The following LGSN variants were observed in gnomAD, a reference collection of about 807,000 sequenced individuals.
The protein encoded by LGSN is lengsin.
LGSN carries 21 observed loss-of-function variants against 19.5 expected under a neutral mutation model. The ratio of observed to expected loss-of-function variants is 1.07; its 90% CI spans 0.76 to 1.55. The LOEUF (loss-of-function observed/expected upper bound fraction) is 1.55. Ranked by LOEUF, LGSN falls within the 40% of genes most tolerant of loss-of-function variation. The probability of loss-of-function intolerance (pLI) is 0.00; values close to 1 mark genes in which losing one functional copy is unlikely to be tolerated. For synonymous variants in LGSN, 257 were observed against 215.6 expected, an observed-to-expected ratio of 1.19 and a Z score of -1.68; for missense variants, 673 against 608.5, an observed-to-expected ratio of 1.11 and a Z score of -1.12.
the LGSN span, among the ~76,000 whole-genome samples, chr6:63,400,265 A>G: frequency 2.6e-5 from 4 of 152,202 alleles, no homozygotes; most frequent in African/African-American, 9.7e-5. Flanking sequence ...TGGCAGGGGC[A>G]GGAGTCCTGG....
At chr6:63,405,846 TG>T in the LGSN span, among the ~76,000 whole-genome samples, 3 of 151,374 alleles carry the variant, frequency 2.0e-5, no homozygotes, top group East Asian at 5.8e-4. Flanking sequence ...ACCAAGCAAA[TG>T]GAAAACAAAA....
At chr6:63,524,218 C>T in the LGSN span, among the ~76,000 whole-genome samples, 1 of 152,130 alleles carries the variant, frequency 6.6e-6, no homozygotes, top group Admixed American at 6.6e-5. Context: ...CTCCTGGCCT[C>T]AAATAATCTG....
the LGSN span, among the ~76,000 whole-genome samples, chr6:63,461,548 T>C: frequency 1.3e-5 from 2 of 152,236 alleles, no homozygotes; most frequent in African/African-American, 2.4e-5. Context: ...CTGTGAACTT[T>C]CTTGTTTCCA....
At chr6:63,422,763 A>G in the LGSN span, among the ~76,000 whole-genome samples, 1 of 152,130 alleles carries the variant, frequency 6.6e-6, no homozygotes, top group African/African-American at 2.4e-5. Flanking sequence ...AAATTGTTCA[A>G]GTAACCCCCA....
the LGSN span, among the ~76,000 whole-genome samples, chr6:63,433,621 G>A: frequency 6.6e-6 from 1 of 152,102 alleles, no homozygotes; most frequent in African/African-American, 2.4e-5. Context: ...TTTGCCAATT[G>A]AAATAATTTT....
chr6:63,479,566 C>T, the LGSN span, among the ~76,000 whole-genome samples: 6 of 151,892 alleles, frequency 4.0e-5, no homozygotes, highest in South Asian at 8.3e-4. Context: ...GGTGAAACCC[C>T]GTCTCTACTA....
the LGSN span, among the ~76,000 whole-genome samples, chr6:63,408,822 A>G: frequency 7.4e-3 from 1,125 of 152,318 alleles, 11 homozygotes; most frequent in African/African-American, 0.025. Context: ...ATGAACTCCA[A>G]CAAATTTACA....
At chr6:63,410,204 A>G in the LGSN span, among the ~76,000 whole-genome samples, 7 of 152,176 alleles carry the variant, frequency 4.6e-5, no homozygotes, top group African/African-American at 7.2e-5. Context: ...AAACGGGTAC[A>G]GGTTTGACAC....
chr6:63,434,604 C>CAAAAAAAAAAAAAAA, the LGSN span, among the ~76,000 whole-genome samples: 9 of 62,830 alleles, frequency 1.4e-4, no homozygotes, highest in Non-Finnish European at 2.2e-4. Flanking sequence ...ACTAAAAATT[C>CAAAAAAAAAAAAAAA]AAAAAAAAAA....
the LGSN span, among the ~76,000 whole-genome samples, chr6:63,370,341 T>C: frequency 6.6e-6 from 1 of 152,158 alleles, no homozygotes; most frequent in African/African-American, 2.4e-5. Context: ...TGAACACTCA[T>C]AGTTTAACTT....
At chr6:63,538,318 A>C in the LGSN span, among the ~76,000 whole-genome samples, 2 of 152,246 alleles carry the variant, frequency 1.3e-5, no homozygotes, top group Admixed American at 1.3e-4. Flanking sequence ...AATTGTACTG[A>C]AAGTTCAGTG....
chr6:63,550,383 C>T, the LGSN span: 2 of 152,148 alleles, frequency 1.3e-5, no homozygotes, highest in Middle Eastern at 3.4e-3. Flanking sequence ...GAGGGTGAAG[C>T]TACAAAGGTT....
At chr6:63,374,987 TG>T in the LGSN span, among the ~76,000 whole-genome samples, 1 of 152,236 alleles carries the variant, frequency 6.6e-6, no homozygotes, top group Non-Finnish European at 1.5e-5. Context: ...AACCTGATCT[TG>T]GGAAGACAGT....
chr6:63,474,301 A>G, the LGSN span, among the ~76,000 whole-genome samples: 1 of 152,168 alleles, frequency 6.6e-6, no homozygotes, highest in South Asian at 2.1e-4. Context: ...CTTTGCATTC[A>G]TGTTTGTGTA....
the LGSN span, among the ~76,000 whole-genome samples, chr6:63,462,450 T>G: frequency 6.6e-6 from 1 of 152,044 alleles, no homozygotes; most frequent in South Asian, 2.1e-4. Context: ...CTGGGCAACA[T>G]GATGAAACCC....
chr6:63,374,212 T>C, the LGSN span, among the ~76,000 whole-genome samples: 1 of 152,138 alleles, frequency 6.6e-6, no homozygotes, highest in African/African-American at 2.4e-5. Context: ...ACAGATAGAA[T>C]GGTAAAACAA....
chr6:63,436,349 A>G, the LGSN span, among the ~76,000 whole-genome samples: 30 of 152,204 alleles, frequency 2.0e-4, no homozygotes, highest in African/African-American at 7.0e-4. Flanking sequence ...TGATCCACCC[A>G]CCTCACCTCT....
chr6:63,437,785 C>T, the LGSN span, among the ~76,000 whole-genome samples: 12 of 152,006 alleles, frequency 7.9e-5, no homozygotes, highest in Admixed American at 2.0e-4. Context: ...CAAAAATGAG[C>T]CAGGTGTGGT....
At chr6:63,471,894 G>C in the LGSN span, among the ~76,000 whole-genome samples, 1 of 152,120 alleles carries the variant, frequency 6.6e-6, no homozygotes, top group Non-Finnish European at 1.5e-5. Context: ...GACAAAAAGA[G>C]ATCGAAATCA....
Sources: gnomAD v4.1 joint callset for allele counts (sites outside exome capture counted in the v4.1 genomes callset) on GRCh38, gnomAD v4.1.1 for gene constraint, MANE v1.5 for transcripts, NCBI Gene and HGNC (gene_info 2026-07-23, HGNC 2026-07-21) for gene names.